Variants in ABCC10 observed in about 807,000 individuals in gnomAD.
ABCC10 encodes the protein ATP binding cassette subfamily C member 10.
Under a neutral mutation model 143.2 loss-of-function variants are expected in ABCC10, and 110 were observed. That is an observed-to-expected ratio of 0.77 (90% CI 0.66 to 0.90). ABCC10 has a LOEUF of 0.90. Among genes scored for constraint, ABCC10 ranks in the 40% least tolerant of loss-of-function variants. ABCC10 has a pLI of 0.00. For synonymous variants in ABCC10, 805 were observed against 846.7 expected (o/e 0.95, Z 0.85); for missense variants, 1,700 against 1,900.5 (o/e 0.89, Z 1.96).
Position 43,447,896 on chromosome 6 carries a change from G to A in ABCC10, c.3918G>A (p.Leu1306=), listed in dbSNP as rs1167007950. The A allele has an allele frequency of 1.9e-6, 3 of 1,613,692 alleles. No homozygotes were observed. The highest frequency in any genetic ancestry group is 2.2e-5 in the East Asian group (1 of 44,900). Residue 1306 remains leucine, a synonymous_variant, in exon 18 of 22, where the codon CTG becomes CTA. Coordinates refer to ENST00000372530, the MANE Select transcript of ABCC10 (RefSeq NM_001198934.2). The part of the protein sequence containing the change: ...LLEPSSGRVL[L]DGVDTSQLEL... ...AGCCCAGTTCAGGGCGAGTGCTGCT[G>A]GACGGCGTGGACACCAGCCAGCTGG...
chr6:43,432,908 G>T lies in ABCC10; in HGVS notation c.928G>T (p.Val310Leu). The T allele has an allele frequency of 6.2e-7, 1 of 1,614,162 alleles. No homozygotes were observed. Among genetic ancestry groups the T allele is most frequent in the Non-Finnish European group, 8.5e-7 (1 of 1,180,028 alleles). Residue 310 changes from valine to leucine, a missense_variant, in exon 3 of 22, where the codon GTG becomes TTG. Transcript: ENST00000372530. ...AGGGCCCCTGTTGCTCTCCCTACTG[G>T]TGGGCTTCCTGGAAGAGGGGCAGGA... ...FSGPLLLSLL[V>L]GFLEEGQEPL...
chr6:43,448,036 C>T lies in ABCC10; in HGVS notation c.3959+99C>T, dbSNP rs747398349. ...AAGGCTTTATATAAACTCACAGCAGCCAGGGCTGATCAGGGGGCTGAAATG... is the reference window on the plus strand; with the variant it reads ...AAGGCTTTATATAAACTCACAGCAGTCAGGGCTGATCAGGGGGCTGAAATG... On this transcript the variant is annotated intron_variant, in intron 18 of 21. Coordinates refer to ENST00000372530, the MANE Select transcript of ABCC10 (RefSeq NM_001198934.2). 11 of 1,544,402 alleles carry T rather than the reference C, an allele frequency of 7.1e-6. No individual in the cohort carries two copies. The African/African-American group carries it at 1.3e-4, about 19-fold the overall frequency.
rs762589563 is a variant in ABCC10, at chr6:43,444,780, C to G, written c.2690-8C>G. ...TCTTACAGCTTTTTCCTTCCTGTCCCCACCCAGCCACGCGGAACGCTGCTG... is the reference window on the plus strand; with the variant it reads ...TCTTACAGCTTTTTCCTTCCTGTCCGCACCCAGCCACGCGGAACGCTGCTG... On this transcript the variant is annotated splice_polypyrimidine_tract_variant and splice_region_variant and intron_variant, in intron 12 of 21. Coordinates refer to ENST00000372530, the MANE Select transcript of ABCC10 (RefSeq NM_001198934.2). 24 of 1,582,226 alleles carry G rather than the reference C, an allele frequency of 1.5e-5. No individual in the cohort carries two copies. Among genetic ancestry groups the G allele is most frequent in the Non-Finnish European group, 2.1e-5 (24 of 1,165,730 alleles).
intron 6 of ABCC10, among the ~76,000 whole-genome samples, chr6:43,437,433 C>CAAAAAAAAAAAA: frequency 9.8e-6 from 1 of 102,392 alleles, no homozygotes; most frequent in Non-Finnish European, 1.7e-5. Flanking sequence ...AACATATGAC[C>CAAAAAAAAAAAA]AAAAAAAAAA....
Position 43,432,976 on chromosome 6 carries a change from T to TGGGGCTGTGCTG in ABCC10, c.999_1010dup (p.Gly337_Leu340dup). 1 of 1,614,076 alleles carries TGGGGCTGTGCTG rather than the reference T, an allele frequency of 6.2e-7. No homozygotes were observed. ...TGCTCTATGCTCTGGGGCTAGCCGG[T>TGGGGCTGTGCTG]GGGGCTGTGCTGGGTGCTGTGCTGC... On this transcript the variant is annotated inframe_insertion, in exon 3 of 22. Coordinates refer to ENST00000372530, the MANE Select transcript of ABCC10 (RefSeq NM_001198934.2).
Position 43,438,704 on chromosome 6 carries a change from C to T in ABCC10, c.2036C>T (p.Thr679Ile). 6.2e-7 allele frequency: 1 copy of T among 1,614,236 alleles called. No individual in the cohort carries two copies. Among genetic ancestry groups the T allele is most frequent in the Non-Finnish European group, 8.5e-7 (1 of 1,180,040 alleles). Residue 679 changes from threonine to isoleucine, a missense_variant, in exon 8 of 22, where the codon ACC becomes ATC. Thr to Ile is a moderately conservative substitution (Grantham distance 89, BLOSUM62 -1). Coordinates refer to ENST00000372530, the MANE Select transcript of ABCC10 (RefSeq NM_001198934.2). ...CAGGAACCCTGGATCCAGTTTGCCA[C>T]CATCCGAGACAACATCCTCTTTGGG... ...ATQEPWIQFA[T>I]IRDNILFGKT...
chr6:43,442,892 GTCTTC>G, intron 9 of ABCC10, 73 bp from the exon 10 acceptor site: 1 of 1,333,820 alleles, frequency 7.5e-7, no homozygotes, highest in East Asian at 2.4e-5. Context: ...TCTCTCAACT[GTCTTC>G]TCTGATCACT....
intron 4 of ABCC10, 199 bp downstream of exon 4, chr6:43,435,047 TTCC>T: frequency 1.7e-6 from 1 of 592,866 alleles, no homozygotes; most frequent in Non-Finnish European, 3.0e-6. Context: ...GTTCCTTTCT[TTCC>T]TCTCCTCTAC....
chr6:43,444,642 A>C, intron 12 of ABCC10, 146 bp from the exon 13 acceptor site: 1 of 1,178,952 alleles, frequency 8.5e-7, no homozygotes, highest in Non-Finnish European at 1.2e-6. Context: ...TAGGGAGGAT[A>C]TGGGGTAGTG....
At position 43,445,876 on chromosome 6, in the gene ABCC10, T is replaced by C. The variant is rs755135532; in HGVS notation, c.3308T>C (p.Leu1103Pro). The C allele has an allele frequency of 2.5e-6, 4 of 1,614,034 alleles. No homozygotes were observed. The South Asian group carries it at 4.4e-5, about 18-fold the overall frequency. Residue 1103 changes from leucine (L) to proline (P), a missense_variant, in exon 15 of 22, where the codon CTG becomes CCG. Leu to Pro is a moderately conservative substitution (Grantham distance 98). Coordinates refer to ENST00000372530, the MANE Select transcript of ABCC10 (RefSeq NM_001198934.2). ...RRLGSLTLSP[L>P]YSHLADTLAG... Reference sequence around the variant, plus strand: ...CTGGGCAGCCTCACCCTGTCTCCACTGTATAGCCATCTGGCCGATACCTTG... The same window carrying C: ...CTGGGCAGCCTCACCCTGTCTCCACCGTATAGCCATCTGGCCGATACCTTG...
rs1783619025 is a variant in ABCC10 at position 43,450,138 on chromosome 6, C to A, written c.*47C>A. ...AGTTCTCCCCTCTCTCTGATCCAGGCCGGGCCTATACAGAGGTGCTGGCTG... is the reference window on the plus strand; with the variant it reads ...AGTTCTCCCCTCTCTCTGATCCAGGACGGGCCTATACAGAGGTGCTGGCTG... On this transcript the variant is annotated 3_prime_UTR_variant, in exon 22 of 22. Coordinates refer to ENST00000372530, the MANE Select transcript of ABCC10 (RefSeq NM_001198934.2). This position sits in a 1 kb window ranked among gnomAD's most constrained non-coding sequence, Gnocchi z 4.5. The A allele has an allele frequency of 6.5e-7, 1 of 1,548,942 alleles. No homozygotes were observed. The highest frequency in any genetic ancestry group is 8.7e-7 in the Non-Finnish European group (1 of 1,143,786).
intron 2 of ABCC10, 116 bp from the exon 3 acceptor site, chr6:43,432,026 T>C: frequency 6.7e-7 from 1 of 1,487,508 alleles, no homozygotes; most frequent in Non-Finnish European, 9.0e-7. Flanking sequence ...AGGGATAAGA[T>C]GTGCAAGGCA....
At chr6:43,429,497 A>G (rs1369148205) in intron 2 of ABCC10, among the ~76,000 whole-genome samples, 1 of 150,938 alleles carries the variant, frequency 6.6e-6, no homozygotes, top group Admixed American at 6.6e-5. Context: ...CAGTGGTGCA[A>G]TCACAGTTCA....
intron 6 of ABCC10, among the ~76,000 whole-genome samples, chr6:43,436,555 T>C (rs1781747815): frequency 6.6e-6 from 1 of 152,186 alleles, no homozygotes; most frequent in East Asian, 1.9e-4. Flanking sequence ...CTGGGGTTTA[T>C]GTAGCATCTC....
downstream of ABCC10, chr6:43,451,821 G>A: frequency 6.9e-7 from 1 of 1,456,016 alleles, no homozygotes; most frequent in African/African-American, 1.4e-5. This position sits in a 1 kb window ranked among gnomAD's most constrained non-coding sequence, Gnocchi z 4.4. Flanking sequence ...TTTTATCTGA[G>A]TGTCCCCGTG....
At position 43,443,070 on chromosome 6, in the gene ABCC10, C is replaced by T; in HGVS notation, c.2327C>T (p.Thr776Ile). 1.9e-6 allele frequency: 3 copies of T among 1,612,900 alleles called. No individual in the cohort carries two copies. Among genetic ancestry groups the T allele is most frequent in the South Asian group, 1.1e-5 (1 of 91,058 alleles). Residue 776 changes from threonine to isoleucine, a missense_variant, in exon 10 of 22, where the codon ACC (threonine) becomes ATC (isoleucine). Coordinates refer to ENST00000372530, the MANE Select transcript of ABCC10 (RefSeq NM_001198934.2). This position sits in a 1 kb window ranked among gnomAD's most constrained non-coding sequence, Gnocchi z 4.2. ...TGCATCCTGGGCATGCTGAGCTACA[C>T]CACACGGCTGCTCTGCACCCACCGC... The part of the protein sequence containing the change: ...HRCILGMLSY[T>I]TRLLCTHRTE...
At chr6:43,444,675 G>C (rs1202390390) in intron 12 of ABCC10, 113 bp from the exon 13 acceptor site, 5 of 1,452,658 alleles carry the variant, frequency 3.4e-6, no homozygotes, top group Non-Finnish European at 4.6e-6. Flanking sequence ...GGCCAGGCCA[G>C]GCGGATGGAG....
intron 7 of ABCC10, 54 bp downstream of exon 7, chr6:43,438,067 A>C (rs1044651053): frequency 6.4e-7 from 1 of 1,560,216 alleles, no homozygotes; most frequent in Non-Finnish European, 8.7e-7. Flanking sequence ...GCAAACACTG[A>C]GCCCCTCTTA....
At chr6:43,438,500 G>A in intron 7 of ABCC10, 124 bp from the exon 8 acceptor site, 1 of 1,459,662 alleles carries the variant, frequency 6.9e-7, no homozygotes, top group Non-Finnish European at 9.0e-7. Flanking sequence ...TCTCAGTCAT[G>A]TGACATGAAG....
Sources: gnomAD v4.1 joint callset for allele counts (sites outside exome capture counted in the v4.1 genomes callset) on GRCh38, gnomAD v4.1.1 for gene constraint, Gnocchi (gnomAD v3.1) non-coding constraint, MANE v1.5 for transcripts, NCBI Gene and HGNC (gene_info 2026-07-23, HGNC 2026-07-21) for gene names.